The following REC8 variants were observed in gnomAD, a reference collection of about 807,000 sequenced individuals.
REC8 encodes meiotic recombination protein REC8 homolog.
In REC8, 42 loss-of-function variants were observed where a neutral mutation model predicts 78.3. The observed-to-expected ratio is 0.54, with a 90% CI of 0.42 to 0.69. The LOEUF (loss-of-function observed/expected upper bound fraction) is 0.69, where lower values mean the gene tolerates loss of function less well. REC8 is among the 30% of genes least tolerant of loss of function. The pLI is 0.00. For missense variants in REC8, 581 were observed against 715.8 expected, an observed-to-expected ratio of 0.81 and a Z score of 2.15; for synonymous variants, 268 against 274.1, an observed-to-expected ratio of 0.98 and a Z score of 0.22.
At position 24,172,314 on chromosome 14, in the gene REC8, C is replaced by T; in HGVS notation, c.-239C>T. On this transcript the variant is annotated 5_prime_UTR_variant, in exon 1 of 19. Transcript: ENST00000611366. ...TGACGCATCACGTGGCGTGCGGATC[C>T]ACTGAGGGTCCACAGAGAGGGGCGC... 1 of 553,080 alleles carries T rather than the reference C, an allele frequency of 1.8e-6. No homozygotes were observed. Among genetic ancestry groups the T allele is most frequent in the Non-Finnish European group, 3.2e-6 (1 of 312,936 alleles). 34.3% of individuals were successfully genotyped at this position (553,080 alleles called of 1,614,324 possible).
intron 6 of REC8, among the ~76,000 whole-genome samples, chr14:24,176,516 A>C (rs1358550413): frequency 1.3e-5 from 2 of 151,354 alleles, no homozygotes; most frequent in Non-Finnish European, 2.9e-5. Context: ...GCTAGTTTTT[A>C]AATTTTTTGT....
At position 24,178,144 on chromosome 14, in the gene REC8, G is replaced by A; in HGVS notation, c.918G>A (p.Leu306=). Residue 306 remains leucine (L), a synonymous_variant, in exon 12 of 19, where the codon CTG becomes CTA. Transcript: ENST00000611366. ...PPRRRRRRRL[L]FWDKETQISP... ...GCCGCCGCCGTCGTCGCCGGTTACT[G>A]TTCTGGGACAAGGAGACTCAGATCT... 6.2e-7 allele frequency: 1 copy of A among 1,614,068 alleles called. No individual in the cohort carries two copies. The highest frequency in any genetic ancestry group is 8.5e-7 in the Non-Finnish European group (1 of 1,179,960).
Position 24,179,639 on chromosome 14 carries a change from T to G in REC8, c.1364T>G (p.Val455Gly). 1.2e-6 allele frequency: 2 copies of G among 1,614,212 alleles called. No individual in the cohort carries two copies. Among genetic ancestry groups the G allele is most frequent in the South Asian group, 1.1e-5 (1 of 91,092 alleles). ...VEAPEAPALP[V>G]VPELPEVPME... ...GCGCCAGAAGCTCCTGCATTGCCCGTGGTGCCTGAACTCCCTGAGGTGCCC... is the reference window on the plus strand; with the variant it reads ...GCGCCAGAAGCTCCTGCATTGCCCGGGGTGCCTGAACTCCCTGAGGTGCCC... Residue 455 changes from valine (V) to glycine (G), a missense_variant, in exon 17 of 19, where the codon GTG (valine) becomes GGG (glycine). By Grantham distance (109) the Val-to-Gly change is moderately radical. Transcript: ENST00000611366.
At position 24,180,152 on chromosome 14, in the gene REC8, C is replaced by T. The variant is rs746532831; in HGVS notation, c.*57C>T. 6.2e-7 allele frequency: 1 copy of T among 1,613,976 alleles called. No homozygotes were observed. On this transcript the variant is annotated 3_prime_UTR_variant, in exon 19 of 19. Coordinates refer to ENST00000611366, the MANE Select transcript of REC8 (RefSeq NM_001048205.2). ...ACCGGCCACTTCTAGTAAACCACGT[C>T]GTGCCTCACTGGGTCCTGCTTACCT...
rs1383586165 is a variant in REC8, at chr14:24,178,588, C to T, written c.997-18C>T. ...GGCTGCTTTATAATGGGGCTTCTGA[C>T]CTTCCCCCACTACACAGCCTATGGT... On this transcript the variant is annotated intron_variant, in intron 12 of 18. Coordinates refer to ENST00000611366, the MANE Select transcript of REC8 (RefSeq NM_001048205.2). 8 of 1,613,064 alleles carry T rather than the reference C, an allele frequency of 5.0e-6. No individual in the cohort carries two copies. The highest frequency in any genetic ancestry group is 6.8e-6 in the Non-Finnish European group (8 of 1,179,474).
intron 12 of REC8, 30 bp from the exon 13 acceptor site, chr14:24,178,576 T>C (rs957739583): frequency 5.6e-6 from 9 of 1,610,292 alleles, no homozygotes; most frequent in Admixed American, 1.7e-5. Flanking sequence ...TGCTTTATAA[T>C]GGGGCTTCTG....
chr14:24,175,913 G>A (rs1481794908), intron 6 of REC8, among the ~76,000 whole-genome samples: 1 of 151,940 alleles, frequency 6.6e-6, no homozygotes, highest in Admixed American at 6.6e-5. Flanking sequence ...ATGTTGGCCA[G>A]GCTGGTCTCA....
Position 24,172,289 on chromosome 14 carries a change from T to G in REC8, c.-264T>G. 1 of 520,038 alleles carries G rather than the reference T, an allele frequency of 1.9e-6. No homozygotes were observed. Among genetic ancestry groups the G allele is most frequent in the Non-Finnish European group, 3.4e-6 (1 of 293,922 alleles). 32.2% of individuals were successfully genotyped at this position (520,038 alleles called of 1,614,324 possible). A position where few individuals can be genotyped will look rare whatever the true frequency, so the allele number is the denominator to read the frequency against. Reference sequence around the variant, plus strand: ...GAACCCAACCCAGAAGTCTCAAGTTTGACGCATCACGTGGCGTGCGGATCC... The same window carrying G: ...GAACCCAACCCAGAAGTCTCAAGTTGGACGCATCACGTGGCGTGCGGATCC... On this transcript the variant is annotated 5_prime_UTR_variant, in exon 1 of 19. Transcript: ENST00000611366.
rs2038728282 is a variant in REC8, at chr14:24,172,859, C to T, written c.126-40C>T. The stretch of plus-strand genomic sequence containing the variant: ...TGGGGTGGCCAAGACTGTGGGCCCA[C>T]TCCTGGACGCAGCGGTAATCAGGGC... On this transcript the variant is annotated intron_variant, in intron 2 of 18. Coordinates refer to ENST00000611366, the MANE Select transcript of REC8 (RefSeq NM_001048205.2). The T allele has an allele frequency of 1.5e-5, 25 of 1,613,666 alleles. 1 individual carries two copies. Among genetic ancestry groups the T allele is most frequent in the Non-Finnish European group, 1.9e-5 (22 of 1,179,900 alleles).
At position 24,175,632 on chromosome 14, in the gene REC8, G is replaced by C; in HGVS notation, c.544+8G>C. Reference sequence around the variant, plus strand: ...CAGAGCCCAGGGAGCCAGGTCAGCAGAGAGAACCTTCTTTCTGGTGAGAGG... The same window carrying C: ...CAGAGCCCAGGGAGCCAGGTCAGCACAGAGAACCTTCTTTCTGGTGAGAGG... On this transcript the variant is annotated splice_region_variant and intron_variant, in intron 6 of 18. Coordinates refer to ENST00000611366, the MANE Select transcript of REC8 (RefSeq NM_001048205.2). The C allele has an allele frequency of 1.2e-6, 2 of 1,609,246 alleles. No individual in the cohort carries two copies. Among genetic ancestry groups the C allele is most frequent in the Non-Finnish European group, 1.7e-6 (2 of 1,175,666 alleles).
Position 24,173,279 on chromosome 14 carries a change from A to T in REC8, c.342-12A>T, listed in dbSNP as rs1431046958. On this transcript the variant is annotated splice_polypyrimidine_tract_variant and intron_variant, in intron 4 of 18. Coordinates refer to ENST00000611366, the MANE Select transcript of REC8 (RefSeq NM_001048205.2). Reference sequence around the variant, plus strand: ...TCAGCCTCAGTCCTTCACGGCCTACATTCTCTCCCAGACCCAGCCTGCTGC... The same window carrying T: ...TCAGCCTCAGTCCTTCACGGCCTACTTTCTCTCCCAGACCCAGCCTGCTGC... 6.2e-7 allele frequency: 1 copy of T among 1,614,060 alleles called. No homozygotes were observed. Among genetic ancestry groups the T allele is most frequent in the Admixed American group, 1.7e-5 (1 of 60,008 alleles).
In REC8 at chr14:24,173,109, G is replaced by C. The variant is rs368303020; in HGVS notation, c.269-17G>C. The C allele has an allele frequency of 1.9e-6, 3 of 1,613,478 alleles. No homozygotes were observed. The highest frequency in any genetic ancestry group is 2.5e-6 in the Non-Finnish European group (3 of 1,180,042). ...GTCTGCTAAGCTGGCTGTCTACCTCGTCCTCCCTGCCCACAGAGGACATCC... is the reference window on the plus strand; with the variant it reads ...GTCTGCTAAGCTGGCTGTCTACCTCCTCCTCCCTGCCCACAGAGGACATCC... On this transcript the variant is annotated splice_polypyrimidine_tract_variant and intron_variant, in intron 3 of 18. Coordinates refer to ENST00000611366, the MANE Select transcript of REC8 (RefSeq NM_001048205.2).
Position 24,179,644 on chromosome 14 carries a change from C to A in REC8, c.1369C>A (p.Pro457Thr). 8.7e-6 allele frequency: 14 copies of A among 1,614,232 alleles called. No individual in the cohort carries two copies. Among genetic ancestry groups the A allele is most frequent in the Non-Finnish European group, 1.2e-5 (14 of 1,180,042 alleles). ...AGAAGCTCCTGCATTGCCCGTGGTGCCTGAACTCCCTGAGGTGCCCATGGA... is the reference window on the plus strand; with the variant it reads ...AGAAGCTCCTGCATTGCCCGTGGTGACTGAACTCCCTGAGGTGCCCATGGA... ...APEAPALPVV[P>T]ELPEVPMEMP... The change falls in exon 17 of 19, where the codon CCT becomes ACT. Residue 457 changes from proline to threonine, a missense_variant. Transcript: ENST00000611366.
In REC8 at chr14:24,173,337, G is replaced by A. The variant is rs777681836; in HGVS notation, c.388G>A (p.Glu130Lys). 3.0e-5 allele frequency: 49 copies of A among 1,614,060 alleles called. No homozygotes were observed. The highest frequency in any genetic ancestry group is 6.8e-6 in the Non-Finnish European group (8 of 1,180,040). Residue 130 changes from glutamate to lysine, a missense_variant, in exon 5 of 19, where the codon GAA (glutamate) becomes AAA (lysine). Coordinates refer to ENST00000611366, the MANE Select transcript of REC8 (RefSeq NM_001048205.2). ...PNHLAMMETLEDAPDPFFGMM... is the reference protein window; with the variant it reads ...PNHLAMMETLKDAPDPFFGMM... ...CCACCTGGCCATGATGGAGACCCTA[G>A]AAGATGCTCCAGATCCCTTTTTTGG...
downstream of REC8, chr14:24,180,478 CTTGT>C (rs2039114058): frequency 1.2e-6 from 2 of 1,613,548 alleles, no homozygotes; most frequent in African/African-American, 2.7e-5. Context: ...GCTCCTGAGC[CTTGT>C]CAACAGGCAG....
intron 5 of REC8, 59 bp from the exon 6 acceptor site, chr14:24,175,484 G>A (rs2038849575): frequency 7.5e-7 from 1 of 1,338,722 alleles, no homozygotes; most frequent in African/African-American, 1.4e-5. Context: ...GCTGTGAAAA[G>A]TGGGAAAGCA....
At chr14:24,179,526 T>G in intron 16 of REC8, 63 bp downstream of exon 16, 1 of 1,613,794 alleles carries the variant, frequency 6.2e-7, no homozygotes, top group Non-Finnish European at 8.5e-7. Flanking sequence ...TGGAAACAGC[T>G]GCTGGGATGG....
rs1207271796 is a variant in REC8, at chr14:24,180,252, A to G, written c.*157A>G. ...AAGCAGAAAACAAGCTGCTTTTATT[A>G]CAGTATGATGTCATGACTCATTTGT... On this transcript the variant is annotated 3_prime_UTR_variant, in exon 19 of 19. Coordinates refer to ENST00000611366, the MANE Select transcript of REC8 (RefSeq NM_001048205.2). 5 of 1,560,350 alleles carry G rather than the reference A, an allele frequency of 3.2e-6. No homozygotes were observed. Among genetic ancestry groups the G allele is most frequent in the Non-Finnish European group, 3.5e-6 (4 of 1,151,420 alleles).
rs777888260 is a variant in REC8, at chr14:24,176,355, CT to C, written c.545-450del. 9.2e-3 allele frequency among the ~76,000 whole-genome samples: 1,173 copies of C among 127,314 alleles called. 8 individuals are homozygous for C. Among genetic ancestry groups the C allele is most frequent in the African/African-American group, 0.029 (950 of 32,948 alleles). 83.5% of individuals were successfully genotyped at this position (127,314 alleles called of 152,430 possible). The stretch of plus-strand genomic sequence containing the variant: ...TACAGGCGTGAGCCACCATACTCGG[CT>C]TTTTTTTTTTTTTTTTCTTTTTTTC... On this transcript the variant is annotated intron_variant, in intron 6 of 18. Transcript: ENST00000611366.
Sources: gnomAD v4.1 joint callset for allele counts (sites outside exome capture counted in the v4.1 genomes callset) on GRCh38, gnomAD v4.1.1 for gene constraint, MANE v1.5 for transcripts, NCBI Gene and HGNC (gene_info 2026-07-23, HGNC 2026-07-21) for gene names.